Variants in DLC1 observed in about 807,000 individuals in gnomAD.
DLC1 encodes the protein DLC1 Rho GTPase activating protein.
In DLC1, 54 loss-of-function variants were observed where a neutral mutation model predicts 140.3. The ratio of observed to expected loss-of-function variants is 0.38; its 90% CI spans 0.31 to 0.48. The LOEUF is 0.48. Among genes scored for constraint, DLC1 ranks in the 20% least tolerant of loss-of-function variants. DLC1 has a pLI of 0.96. For synonymous variants in DLC1, 986 were observed against 728.1 expected, an observed-to-expected ratio of 1.35 and a Z score of -5.70; for missense variants, 2,536 against 1,907.0, an observed-to-expected ratio of 1.33 and a Z score of -6.14.
intron 3 of DLC1, among the ~76,000 whole-genome samples, chr8:13,400,602 A>C (rs1837250979): frequency 6.6e-6 from 1 of 152,324 alleles, no homozygotes; most frequent in East Asian, 1.9e-4. Context: ...ATTTGTATCA[A>C]ATAATTTGAT....
Position 13,095,206 on chromosome 8 carries a change from G to C in DLC1, c.3207C>G (p.Asp1069Glu), listed in dbSNP as rs754936377. 5 of 1,614,226 alleles carry C rather than the reference G, an allele frequency of 3.1e-6. No homozygotes were observed. The highest frequency in any genetic ancestry group is 4.2e-6 in the Non-Finnish European group (5 of 1,180,052). ...PKFMKRIKVP[D>E]YKDRSVFGVP... ...CCCCAAACACACTCCGGTCCTTGTAGTCTGGAACCTTGATCCTCTTCATGA... is the reference window on the plus strand; with the variant it reads ...CCCCAAACACACTCCGGTCCTTGTACTCTGGAACCTTGATCCTCTTCATGA... Residue 1069 changes from aspartate (D) to glutamate (E), a missense_variant, in exon 11 of 18, where the codon GAC (aspartate) becomes GAG (glutamate). Transcript: ENST00000276297.
At chr8:13,397,185 C>T (rs1837087952) in intron 3 of DLC1, among the ~76,000 whole-genome samples, 1 of 152,036 alleles carries the variant, frequency 6.6e-6, no homozygotes, top group African/African-American at 2.4e-5. Flanking sequence ...CTGGAGACCA[C>T]AAGAAAAGGT....
Position 13,500,054 on chromosome 8 carries a change from T to A in DLC1, c.18A>T (p.Arg6Ser). Residue 6 changes from arginine (R) to serine (S), a missense_variant, in exon 2 of 18, where the codon AGA (arginine) becomes AGT (serine). Arg to Ser is a moderately radical substitution (Grantham distance 110). Transcript: ENST00000276297. MSVAI[R>S]KRSWEEHVTH... ...TCACATGTTCTTCCCAGCTTCTCTT[T>A]CTGATAGCTACAGACATGTCATCGT... The A allele has an allele frequency of 6.2e-7, 1 of 1,613,808 alleles. No homozygotes were observed. The highest frequency in any genetic ancestry group is 8.5e-7 in the Non-Finnish European group (1 of 1,179,786).
chr8:13,151,832 T>G (rs1823838581), intron 5 of DLC1, among the ~76,000 whole-genome samples: 1 of 152,172 alleles, frequency 6.6e-6, no homozygotes. Context: ...CCTTTAAAAT[T>G]TTATACCATT....
intron 2 of DLC1, among the ~76,000 whole-genome samples, chr8:13,490,132 C>A (rs907074594): frequency 1.3e-5 from 2 of 152,148 alleles, no homozygotes; most frequent in African/African-American, 4.8e-5. Context: ...CCAAGCCATT[C>A]ATTTTCTAGA....
chr8:13,602,864 A>T (rs1037161644), intron 1 of DLC1, among the ~76,000 whole-genome samples: 2 of 152,052 alleles, frequency 1.3e-5, no homozygotes, highest in Non-Finnish European at 2.9e-5. Flanking sequence ...GTTTATTGAG[A>T]TGAAAGTATC....
At chr8:13,406,181 G>GTTTTTTTT (rs77753653) in intron 2 of DLC1, among the ~76,000 whole-genome samples, 916 of 84,896 alleles carry the variant, frequency 0.011, 106 homozygotes, top group African/African-American at 0.03. Flanking sequence ...TAATTTTTGT[G>GTTTTTTTT]TTTTTTTTTT....
At chr8:13,197,166 T>C (rs1301725168) in intron 5 of DLC1, among the ~76,000 whole-genome samples, 1 of 152,178 alleles carries the variant, frequency 6.6e-6, no homozygotes, top group African/African-American at 2.4e-5. Context: ...ATTAATAACA[T>C]GTCATTGAAT....
chr8:13,518,035 T>G (rs1020967791), upstream of DLC1, among the ~76,000 whole-genome samples: 3 of 152,224 alleles, frequency 2.0e-5, no homozygotes, highest in Non-Finnish European at 4.4e-5. Context: ...GTGGAACAAT[T>G]ATGTACTCTG....
intron 1 of DLC1, among the ~76,000 whole-genome samples, chr8:13,570,793 C>G (rs762773690): frequency 6.6e-6 from 1 of 152,096 alleles, no homozygotes; most frequent in Non-Finnish European, 1.5e-5. Flanking sequence ...TTTTATTGTC[C>G]TGTCTTTATG....
chr8:13,298,033 C>T (rs1259183395), intron 5 of DLC1, among the ~76,000 whole-genome samples: 4 of 152,218 alleles, frequency 2.6e-5, no homozygotes, highest in Non-Finnish European at 2.9e-5. Context: ...TTTTCCCTTA[C>T]GCATTTGTCA....
chr8:13,454,205 G>T (rs1585136502), intron 2 of DLC1, among the ~76,000 whole-genome samples: 1 of 151,760 alleles, frequency 6.6e-6, no homozygotes, highest in African/African-American at 2.4e-5. Flanking sequence ...TGTCTCCTGG[G>T]AAACTTATAC....
chr8:13,503,722 G>C (rs148270181), intron 1 of DLC1, among the ~76,000 whole-genome samples: 4 of 152,210 alleles, frequency 2.6e-5, no homozygotes, highest in Non-Finnish European at 4.4e-5. Context: ...TTAGTACCCA[G>C]TGAGTGGCAG....
In DLC1 at chr8:13,371,496, G is replaced by C. The variant is rs1835726763; in HGVS notation, c.1314+22057C>G. On this transcript the variant is annotated intron_variant, in intron 4 of 17. Coordinates refer to ENST00000276297, the MANE Select transcript of DLC1 (RefSeq NM_182643.3). ...CTGCTCCTCAGCTCTGAACATGTAA[G>C]TCCATGTACCTTTGACAATTGGAGC... is the stretch of plus-strand genomic sequence containing the variant. Among the ~76,000 whole-genome samples the C allele has an allele frequency of 9.2e-5, 14 of 151,990 alleles. No individual in the cohort carries two copies. The South Asian group carries it at 2.9e-3, about 32-fold the overall frequency.
chr8:13,318,188 C>G (rs1832932930), intron 4 of DLC1, among the ~76,000 whole-genome samples: 1 of 149,328 alleles, frequency 6.7e-6, no homozygotes, highest in Non-Finnish European at 1.5e-5. Context: ...CTACACTCAG[C>G]TAATTAAAAT....
At chr8:13,305,355 G>T (rs950728771) in intron 4 of DLC1, 53 bp from the exon 5 acceptor site, 18 of 1,505,172 alleles carry the variant, frequency 1.2e-5, no homozygotes, top group East Asian at 2.3e-5. Context: ...ACATCAGAAA[G>T]CATCATTAGA....
At chr8:13,418,728 T>A (rs1421601417) in intron 2 of DLC1, among the ~76,000 whole-genome samples, 2 of 152,196 alleles carry the variant, frequency 1.3e-5, no homozygotes, top group Non-Finnish European at 2.9e-5. Flanking sequence ...AACTTTAATG[T>A]AGTTTTTTCC....
intron 1 of DLC1, chr8:13,567,600 C>G (rs767979219): frequency 6.4e-7 from 1 of 1,551,722 alleles, no homozygotes; most frequent in African/African-American, 1.4e-5. Flanking sequence ...CCTATTGTAA[C>G]AGGAAAAGAG....
At chr8:13,556,612 C>T (rs568840332) in intron 1 of DLC1, among the ~76,000 whole-genome samples, 38 of 152,266 alleles carry the variant, frequency 2.5e-4, no homozygotes, top group Middle Eastern at 3.4e-3. Context: ...AATGATGCTG[C>T]TTCTCAGGAC....
Sources: gnomAD v4.1 joint callset for allele counts (sites outside exome capture counted in the v4.1 genomes callset) on GRCh38, gnomAD v4.1.1 for gene constraint, MANE v1.5 for transcripts, NCBI Gene and HGNC (gene_info 2026-07-23, HGNC 2026-07-21) for gene names.